GRIK4: variants seen among roughly 807,000 people sequenced by gnomAD.
GRIK4 encodes glutamate receptor ionotropic, kainate 4.
GRIK4 carries 40 observed loss-of-function variants against 104.9 expected under a neutral mutation model. The ratio of observed to expected loss-of-function variants is 0.38; its 90% CI spans 0.30 to 0.50. GRIK4 has a LOEUF of 0.50. Ranked by LOEUF, GRIK4 falls within the 20% of genes least tolerant of loss-of-function variation. The probability of loss-of-function intolerance (pLI) is 0.93; values close to 1 mark genes in which losing one functional copy is unlikely to be tolerated. For synonymous variants in GRIK4, 485 were observed against 524.9 expected (o/e 0.92, Z 1.04); for missense variants, 1,047 against 1,308.1 (o/e 0.80, Z 3.08).
At chr11:120,816,663 G>T (rs944379692) in intron 5 of GRIK4, among the ~76,000 whole-genome samples, 1 of 152,052 alleles carries the variant, frequency 6.6e-6, no homozygotes, top group Non-Finnish European at 1.5e-5. Context: ...TATGATCCAG[G>T]GCTCAGTGAG....
intron 2 of GRIK4, among the ~76,000 whole-genome samples, chr11:120,655,759 T>C (rs1393123140): frequency 6.6e-6 from 1 of 152,102 alleles, no homozygotes; most frequent in African/African-American, 2.4e-5. Context: ...AACAGAGAAA[T>C]CTAGGGTAAC....
At chr11:120,799,454 C>T (rs1030350349) in intron 3 of GRIK4, among the ~76,000 whole-genome samples, 2 of 152,126 alleles carry the variant, frequency 1.3e-5, no homozygotes, top group Non-Finnish European at 2.9e-5. Flanking sequence ...GCCTCATGCA[C>T]GCTCCCTAGC....
chr11:120,887,589 G>A (rs1955158482), intron 11 of GRIK4, among the ~76,000 whole-genome samples: 1 of 152,166 alleles, frequency 6.6e-6, no homozygotes, highest in Non-Finnish European at 1.5e-5. Context: ...TATTTACTGA[G>A]TACCCTGTAT....
At chr11:120,659,258 G>A (rs975088451) in intron 2 of GRIK4, among the ~76,000 whole-genome samples, 3 of 152,174 alleles carry the variant, frequency 2.0e-5, no homozygotes, top group Admixed American at 1.3e-4. Flanking sequence ...CCTCAGGAAG[G>A]AGGAGAGGGA....
Position 120,961,060 on chromosome 11 carries a change from A to G in GRIK4, c.2026A>G (p.Met676Val). Residue 676 changes from methionine (M) to valine (V), a missense_variant, in exon 17 of 21, where the codon ATG (methionine) becomes GTG (valine). By Grantham distance (21) the Met-to-Val change is conservative (BLOSUM62 1). Transcript: ENST00000527524. ...TGGCACAATTCACGGAGGCTCCAGC[A>G]TGACCTTCTTCCAAGTAAACCCCAT... The part of the protein sequence containing the change: ...EYGTIHGGSS[M>V]TFFQNSRYQT... 6.2e-7 allele frequency: 1 copy of G among 1,614,126 alleles called. No homozygotes were observed. Among genetic ancestry groups the G allele is most frequent in the South Asian group, 1.1e-5 (1 of 91,052 alleles).
chr11:120,916,617 TGA>T (rs1387805321), intron 13 of GRIK4, among the ~76,000 whole-genome samples: 1 of 152,222 alleles, frequency 6.6e-6, no homozygotes. Context: ...AGCTTCGATG[TGA>T]TACCGCAAGT....
chr11:120,906,647 G>T (rs1298217487), intron 13 of GRIK4, among the ~76,000 whole-genome samples: 3 of 152,306 alleles, frequency 2.0e-5, no homozygotes, highest in East Asian at 3.9e-4. Context: ...ACTCTTCAAT[G>T]ATAAAAATAC....
chr11:120,532,921 T>C (rs1187628437), intron 1 of GRIK4, among the ~76,000 whole-genome samples: 1 of 152,186 alleles, frequency 6.6e-6, no homozygotes, highest in African/African-American at 2.4e-5. Context: ...CACTCATTCA[T>C]CCGTCTATTC....
chr11:120,689,103 G>T (rs937669173), intron 3 of GRIK4, among the ~76,000 whole-genome samples: 1 of 152,182 alleles, frequency 6.6e-6, no homozygotes, highest in Admixed American at 6.5e-5. Flanking sequence ...CCCAGTCAGG[G>T]CTTGGGTAAG....
chr11:120,861,812 C>G (rs1954272283), intron 8 of GRIK4, 147 bp from the exon 9 acceptor site: 1 of 658,234 alleles, frequency 1.5e-6, no homozygotes, highest in South Asian at 1.9e-5. Context: ...AAAAACTGCT[C>G]TCATTAACTC....
At chr11:120,548,264 T>C (rs564871342) in intron 1 of GRIK4, among the ~76,000 whole-genome samples, 1 of 151,888 alleles carries the variant, frequency 6.6e-6, no homozygotes, top group Non-Finnish European at 1.5e-5. Flanking sequence ...CCCAGTGCCA[T>C]GGATGCTTAG....
At chr11:120,763,299 A>G (rs539534220) in intron 3 of GRIK4, among the ~76,000 whole-genome samples, 2 of 151,962 alleles carry the variant, frequency 1.3e-5, no homozygotes, top group East Asian at 3.9e-4. Context: ...TCCCCCCTTT[A>G]TCATTTTTTA....
chr11:120,523,129 A>G (rs1346459970), intron 1 of GRIK4, among the ~76,000 whole-genome samples: 2 of 148,970 alleles, frequency 1.3e-5, no homozygotes, highest in Non-Finnish European at 3.0e-5. Flanking sequence ...ATTTCAGCTG[A>G]CCCAAATCTA....
intron 17 of GRIK4, among the ~76,000 whole-genome samples, chr11:120,962,229 C>A (rs144532573): frequency 2.9e-4 from 44 of 152,298 alleles, no homozygotes; most frequent in African/African-American, 1.0e-3. Context: ...GTTGCTTCCT[C>A]ATCTTTCTAT....
intron 3 of GRIK4, among the ~76,000 whole-genome samples, chr11:120,777,711 T>C (rs1427874904): frequency 2.0e-5 from 3 of 151,958 alleles, no homozygotes; most frequent in East Asian, 3.9e-4. Context: ...CCAAGGCGGG[T>C]GGATCACTTG....
intron 4 of GRIK4, among the ~76,000 whole-genome samples, chr11:120,811,390 G>A (rs1422582051): frequency 1.3e-5 from 2 of 152,200 alleles, no homozygotes; most frequent in East Asian, 1.9e-4. Flanking sequence ...GCTGTGCGGT[G>A]CAGTGGTTAA....
At chr11:120,790,870 C>T (rs1040202833) in intron 3 of GRIK4, among the ~76,000 whole-genome samples, 1 of 152,084 alleles carries the variant, frequency 6.6e-6, no homozygotes, top group Non-Finnish European at 1.5e-5. Context: ...GCAGCTCTGC[C>T]AGGGATTTGC....
At chr11:120,842,592 T>C (rs1953744711) in intron 8 of GRIK4, among the ~76,000 whole-genome samples, 1 of 152,262 alleles carries the variant, frequency 6.6e-6, no homozygotes, top group African/African-American at 2.4e-5. Context: ...CTTGTCTTTT[T>C]AGAGGATAAC....
At chr11:120,810,169 A>AT (rs1952801601) in intron 4 of GRIK4, among the ~76,000 whole-genome samples, 1 of 152,232 alleles carries the variant, frequency 6.6e-6, no homozygotes, top group African/African-American at 2.4e-5. Flanking sequence ...TTATATTCAA[A>AT]TACTCACACA....
Sources: gnomAD v4.1 joint callset for allele counts (sites outside exome capture counted in the v4.1 genomes callset) on GRCh38, gnomAD v4.1.1 for gene constraint, MANE v1.5 for transcripts, NCBI Gene and HGNC (gene_info 2026-07-23, HGNC 2026-07-21) for gene names.